TRAP1: variants seen among roughly 807,000 people sequenced by gnomAD.
TRAP1 encodes heat shock protein 75 kDa, mitochondrial.
A neutral mutation model predicts 89.1 loss-of-function variants in TRAP1; 102 were observed. That is an observed-to-expected ratio of 1.15 (90% CI 0.98 to 1.35). The LOEUF is 1.35. Ranked by LOEUF, TRAP1 falls within the 40% of genes most tolerant of loss-of-function variation. TRAP1 has a pLI of 0.00. For synonymous variants in TRAP1, 508 were observed against 388.0 expected (o/e 1.31, Z -3.64); for missense variants, 1,256 against 945.3 (o/e 1.33, Z -4.31).
chr16:3,700,121 T>C (rs959092283), intron 1 of TRAP1, among the ~76,000 whole-genome samples: 9 of 152,276 alleles, frequency 5.9e-5, no homozygotes, highest in African/African-American at 1.9e-4. Flanking sequence ...GACAGGAACA[T>C]CCATATTTCT....
At chr16:3,697,144 G>T (rs1190278298) in intron 1 of TRAP1, among the ~76,000 whole-genome samples, 1 of 152,160 alleles carries the variant, frequency 6.6e-6, no homozygotes, top group Non-Finnish European at 1.5e-5. Flanking sequence ...TTCCTGCCAA[G>T]TCAGTGTTGA....
At chr16:3,693,190 C>T (rs751012597) in intron 1 of TRAP1, among the ~76,000 whole-genome samples, 1 of 151,970 alleles carries the variant, frequency 6.6e-6, no homozygotes, top group Non-Finnish European at 1.5e-5. Flanking sequence ...CTCAGGTGAT[C>T]CACCCACCTA....
At chr16:3,706,399 G>A (rs947781104) in intron 1 of TRAP1, among the ~76,000 whole-genome samples, 1 of 150,798 alleles carries the variant, frequency 6.6e-6, no homozygotes, top group Non-Finnish European at 1.5e-5. Flanking sequence ...TCCCACCTCA[G>A]CCTCCCAAGC....
At chr16:3,690,617 C>T (rs1180879569) in intron 2 of TRAP1, among the ~76,000 whole-genome samples, 1 of 152,182 alleles carries the variant, frequency 6.6e-6, no homozygotes, top group African/African-American at 2.4e-5. Context: ...TCACGGGTGG[C>T]CACCAGAGGG....
At chr16:3,691,620 C>A (rs138435061) in intron 1 of TRAP1, among the ~76,000 whole-genome samples, 2 of 152,128 alleles carry the variant, frequency 1.3e-5, no homozygotes, top group Non-Finnish European at 2.9e-5. Context: ...GCAGCCCCTG[C>A]AGAAGCCCCC....
intron 10 of TRAP1, among the ~76,000 whole-genome samples, chr16:3,672,069 G>A (rs117972049): frequency 0.013 from 1,993 of 152,318 alleles, 16 homozygotes; most frequent in Middle Eastern, 0.027. Context: ...TGGGCACAGT[G>A]TCTGACGCCT....
At chr16:3,665,920 G>A (rs373707345) in intron 12 of TRAP1, 51 bp downstream of exon 12, 85 of 1,581,614 alleles carry the variant, frequency 5.4e-5, no homozygotes, top group Non-Finnish European at 6.7e-5. Flanking sequence ...TTCCTCAGCA[G>A]CCCCAGGGAC....
At chr16:3,710,875 ATATATT>A (rs1567248343) in intron 1 of TRAP1, among the ~76,000 whole-genome samples, 1 of 59,132 alleles carries the variant, frequency 1.7e-5, no homozygotes, top group Non-Finnish European at 3.4e-5. Context: ...ATATATATAT[ATATATT>A]TTTTTTTTTG....
rs537354825 is a variant in TRAP1, at chr16:3,686,126, C to T, written c.341G>A (p.Arg114Gln). 24 of 1,613,822 alleles carry T rather than the reference C, an allele frequency of 1.5e-5. No individual in the cohort carries two copies. Among genetic ancestry groups the T allele is most frequent in the Admixed American group, 1.0e-4 (6 of 59,984 alleles). ...SLYSEKEVFIRELISNASDAL... is the reference protein window; with the variant it reads ...SLYSEKEVFIQELISNASDAL... ...ATCGCTGGCATTGGAGATCAGCTCC[C>T]GTATAAACACCTACAGGAATAGAAA... Residue 114 changes from arginine to glutamine, a missense_variant, in exon 4 of 18, where the codon CGG becomes CAG. Arg to Gln is a conservative substitution (Grantham distance 43). Transcript: ENST00000246957.
chr16:3,678,753 A>G (rs141304911), intron 5 of TRAP1, among the ~76,000 whole-genome samples: 2,020 of 152,202 alleles, frequency 0.013, 37 homozygotes, highest in African/African-American at 0.046. Context: ...GAGCCACCGC[A>G]CCCGACCTAG....
At chr16:3,680,096 G>A (rs1323932033) in intron 4 of TRAP1, 6 of 271,410 alleles carry the variant, frequency 2.2e-5, no homozygotes, top group African/African-American at 4.3e-5. Flanking sequence ...GCATGATGGC[G>A]AGCACCTGTG....
intron 6 of TRAP1, 26 bp from the exon 7 acceptor site, chr16:3,676,171 C>T (rs1298134543): frequency 6.2e-7 from 1 of 1,604,810 alleles, no homozygotes; most frequent in Non-Finnish European, 8.5e-7. Flanking sequence ...AAAGGAAAAG[C>T]CAGGTGGATG....
Position 3,713,638 on chromosome 16 carries a change from C to T in TRAP1, c.88+3783G>A, listed in dbSNP as rs118136018. On this transcript the variant is annotated intron_variant, in intron 1 of 17. Coordinates refer to ENST00000246957, the MANE Select transcript of TRAP1 (RefSeq NM_016292.3). ...GGCATGACCAGGAGACTGGACTCGG[C>T]ACCCTTGGTGATTGTGGCAGTCACC... is the stretch of plus-strand genomic sequence containing the variant. Among the ~76,000 whole-genome samples the T allele has an allele frequency of 3.3e-5, 5 of 152,368 alleles. No individual in the cohort carries two copies. In the East Asian group the frequency reaches 9.6e-4, roughly 29 times the overall value.
intron 4 of TRAP1, among the ~76,000 whole-genome samples, chr16:3,685,521 G>A (rs551380963): frequency 6.6e-6 from 1 of 151,858 alleles, no homozygotes; most frequent in Non-Finnish European, 1.5e-5. Context: ...GACAGGTCCT[G>A]AGGCAGCTGT....
intron 6 of TRAP1, 138 bp from the exon 7 acceptor site, chr16:3,676,283 C>T: frequency 3.4e-6 from 2 of 584,242 alleles, no homozygotes; most frequent in South Asian, 4.8e-5. Flanking sequence ...CCATTTCTGA[C>T]CCCAGCGCAC....
intron 1 of TRAP1, among the ~76,000 whole-genome samples, chr16:3,699,829 G>A (rs1169741651): frequency 2.0e-5 from 3 of 148,806 alleles, no homozygotes; most frequent in South Asian, 2.1e-4. Flanking sequence ...CATCACACAG[G>A]ACTAAATTCT....
At chr16:3,681,781 A>G (rs758866843) in intron 4 of TRAP1, among the ~76,000 whole-genome samples, 1 of 152,116 alleles carries the variant, frequency 6.6e-6, no homozygotes, top group Non-Finnish European at 1.5e-5. Flanking sequence ...TTTTCAATTT[A>G]TTTTTATTTT....
intron 1 of TRAP1, among the ~76,000 whole-genome samples, chr16:3,715,931 C>T (rs1466247593): frequency 6.6e-6 from 1 of 152,206 alleles, no homozygotes; most frequent in Non-Finnish European, 1.5e-5. Flanking sequence ...GGTGCAATCT[C>T]AGCTCACTGC....
At chr16:3,691,946 C>T (rs762322790) in intron 1 of TRAP1, among the ~76,000 whole-genome samples, 1 of 152,268 alleles carries the variant, frequency 6.6e-6, no homozygotes, top group Middle Eastern at 3.4e-3. Context: ...GTGTCCCCAG[C>T]CGCACGCAGT....
Sources: allele counts gnomAD v4.1 joint callset (sites outside exome capture counted in the v4.1 genomes callset), GRCh38; gene constraint gnomAD v4.1.1; transcripts MANE v1.5; gene names NCBI Gene and HGNC (gene_info 2026-07-23, HGNC 2026-07-21).